Variants in IGSF5 observed in about 807,000 individuals in gnomAD.
IGSF5 encodes immunoglobulin superfamily 5 like.
A neutral mutation model predicts 39.4 loss-of-function variants in IGSF5; 41 were observed. That is an observed-to-expected ratio of 1.04 (90% CI 0.81 to 1.35). The LOEUF (loss-of-function observed/expected upper bound fraction) is 1.35. Ranked by LOEUF, IGSF5 falls within the 40% of genes most tolerant of loss-of-function variation. IGSF5 has a pLI of 0.00. For missense variants in IGSF5, 487 were observed against 494.6 expected, an observed-to-expected ratio of 0.98 and a Z score of 0.15; for synonymous variants, 183 against 175.3, an observed-to-expected ratio of 1.04 and a Z score of -0.34.
At position 39,788,173 on chromosome 21, in the gene IGSF5, G is replaced by A. The variant is rs145234708; in HGVS notation, c.941G>A (p.Arg314His). 245 of 1,590,054 alleles carry A rather than the reference G, an allele frequency of 1.5e-4. 1 individual carries two copies. The highest frequency in any genetic ancestry group is 1.8e-4 in the South Asian group (16 of 88,144). ...ATTTTGTTCTTTTTTGCAGGATTTC[G>A]TATTCAATTTCAAAAGTAAGTTTGA... ...CFCCRRKRGFRIQFQKKSEKE... is the reference protein window; with the variant it reads ...CFCCRRKRGFHIQFQKKSEKE... The change falls in exon 6 of 9, where the codon CGT becomes CAT. Residue 314 changes from arginine to histidine, a missense_variant. By Grantham distance (29) the Arg-to-His change is conservative (BLOSUM62 0). Transcript: ENST00000380588.
At chr21:39,744,122 T>G (rs2079960349), upstream of IGSF5, among the ~76,000 whole-genome samples, 1 of 152,102 alleles carries the variant, frequency 6.6e-6, no homozygotes, top group African/African-American at 2.4e-5. Context: ...TTAGTTACAC[T>G]CACCGATGTA....
At chr21:39,789,762 A>G (rs1429014646) in intron 6 of IGSF5, among the ~76,000 whole-genome samples, 1 of 152,190 alleles carries the variant, frequency 6.6e-6, no homozygotes, top group African/African-American at 2.4e-5. Context: ...GTATGTACCT[A>G]TGTACTCAAA....
At chr21:39,760,620 G>A (rs1437348887) in intron 2 of IGSF5, among the ~76,000 whole-genome samples, 2 of 152,038 alleles carry the variant, frequency 1.3e-5, no homozygotes, top group Non-Finnish European at 2.9e-5. Flanking sequence ...CGTCAGGCTG[G>A]AGTTCAGTGA....
Position 39,770,979 on chromosome 21 carries a change from T to A in IGSF5, c.482T>A (p.Val161Asp). The A allele has an allele frequency of 6.2e-7, 1 of 1,612,042 alleles. No homozygotes were observed. The highest frequency in any genetic ancestry group is 8.5e-7 in the Non-Finnish European group (1 of 1,179,006). Reference protein sequence around the residue: ...LVVAENEPCEVTCLPSHWTRL... With the variant: ...LVVAENEPCEDTCLPSHWTRL... ...GTCGCTGAGAATGAACCTTGTGAAG[T>A]TACTTGTCTACCCTCACACTGGACC... Residue 161 changes from valine to aspartate, a missense_variant, in exon 4 of 9, where the codon GTT (valine) becomes GAT (aspartate). Coordinates refer to ENST00000380588, the MANE Select transcript of IGSF5 (RefSeq NM_001080444.2).
the IGSF5 span, among the ~76,000 whole-genome samples, chr21:39,739,519 G>A: frequency 6.6e-6 from 1 of 152,102 alleles, no homozygotes; most frequent in African/African-American, 2.4e-5. Context: ...TTGTTTAAAG[G>A]TGGAAGTGGT....
At chr21:39,768,729 T>G (rs1218981529) in intron 3 of IGSF5, among the ~76,000 whole-genome samples, 1 of 152,224 alleles carries the variant, frequency 6.6e-6, no homozygotes, top group East Asian at 1.9e-4. Flanking sequence ...AAACCCTTTC[T>G]CCACTCCTTG....
At chr21:39,769,327 C>A (rs772855265) in intron 3 of IGSF5, among the ~76,000 whole-genome samples, 2 of 151,780 alleles carry the variant, frequency 1.3e-5, no homozygotes, top group African/African-American at 4.8e-5. Flanking sequence ...AAGTGCTGGG[C>A]GCGGTGGCTT....
At chr21:39,800,500 A>C (rs2087022648) in intron 8 of IGSF5, among the ~76,000 whole-genome samples, 1 of 152,274 alleles carries the variant, frequency 6.6e-6, no homozygotes, top group African/African-American at 2.4e-5. Context: ...CACTGCTGAC[A>C]TAGTTCCATC....
At chr21:39,753,752 T>A (rs200111889) in intron 2 of IGSF5, among the ~76,000 whole-genome samples, 4 of 145,362 alleles carry the variant, frequency 2.8e-5, no homozygotes, top group East Asian at 4.0e-4. Flanking sequence ...TTTTTTTTTT[T>A]AACTGTTGTT....
At chr21:39,798,479 C>T (rs888659534) in intron 8 of IGSF5, among the ~76,000 whole-genome samples, 3 of 152,102 alleles carry the variant, frequency 2.0e-5, no homozygotes, top group Non-Finnish European at 2.9e-5. Context: ...TGGGAAGGCA[C>T]CCAGCTCAGG....
At chr21:39,772,062 G>A (rs1050981735) in intron 4 of IGSF5, among the ~76,000 whole-genome samples, 2 of 152,130 alleles carry the variant, frequency 1.3e-5, no homozygotes, top group Non-Finnish European at 2.9e-5. Flanking sequence ...TCAGAACAAA[G>A]CCATAGCCAA....
At chr21:39,718,257 T>C in the IGSF5 span, among the ~76,000 whole-genome samples, 1 of 152,228 alleles carries the variant, frequency 6.6e-6, no homozygotes, top group African/African-American at 2.4e-5. Flanking sequence ...GCTGAAACTA[T>C]AGGGTTTTCT....
chr21:39,718,437 G>C, the IGSF5 span, among the ~76,000 whole-genome samples: 1 of 152,164 alleles, frequency 6.6e-6, no homozygotes, highest in Non-Finnish European at 1.5e-5. Flanking sequence ...GATTTTCAAG[G>C]GGAATGCTTC....
chr21:39,748,682 T>C (rs928632063), intron 2 of IGSF5, among the ~76,000 whole-genome samples: 2 of 152,168 alleles, frequency 1.3e-5, no homozygotes, highest in African/African-American at 4.8e-5. Context: ...GAGTGAGGGC[T>C]TCAACATAGC....
chr21:39,790,764 C>G (rs1433880057), intron 6 of IGSF5, among the ~76,000 whole-genome samples: 1 of 152,164 alleles, frequency 6.6e-6, no homozygotes, highest in Non-Finnish European at 1.5e-5. Context: ...TGGGGAAATA[C>G]AGCTGATTCT....
chr21:39,793,636 T>A, intron 8 of IGSF5, 23 bp downstream of exon 8: 1 of 1,567,636 alleles, frequency 6.4e-7, no homozygotes, highest in Non-Finnish European at 8.8e-7. Context: ...ATTTTCCCCC[T>A]TTTTGGACTT....
intron 2 of IGSF5, among the ~76,000 whole-genome samples, chr21:39,762,986 C>T (rs1456599210): frequency 6.6e-6 from 1 of 152,042 alleles, no homozygotes; most frequent in East Asian, 1.9e-4. Flanking sequence ...AAAGGGAGAG[C>T]AAAGAGGAAA....
At chr21:39,751,870 C>T (rs8130119) in intron 2 of IGSF5, among the ~76,000 whole-genome samples, 2 of 151,976 alleles carry the variant, frequency 1.3e-5, no homozygotes, top group Non-Finnish European at 2.9e-5. Flanking sequence ...CTGAGAAGGC[C>T]GACCCTGAAT....
At chr21:39,779,657 C>T (rs534464211) in intron 5 of IGSF5, among the ~76,000 whole-genome samples, 3 of 152,282 alleles carry the variant, frequency 2.0e-5, no homozygotes, top group Admixed American at 6.5e-5. Context: ...AACCTATGTA[C>T]ATCAATAGAT....
Sources: gnomAD v4.1 joint callset for allele counts (sites outside exome capture counted in the v4.1 genomes callset) on GRCh38, gnomAD v4.1.1 for gene constraint, MANE v1.5 for transcripts, NCBI Gene and HGNC (gene_info 2026-07-23, HGNC 2026-07-21) for gene names.